The following LRP12 variants were observed in gnomAD, a reference collection of about 807,000 sequenced individuals.
The protein encoded by LRP12 is low-density lipoprotein receptor-related protein 12.
In LRP12, 14 loss-of-function variants were observed where a neutral mutation model predicts 66.0. The observed-to-expected ratio is 0.21, with a 90% CI of 0.14 to 0.33. LRP12 has a LOEUF of 0.33. Among genes scored for constraint, LRP12 ranks in the 10% least tolerant of loss-of-function variants. The pLI is 1.00. For synonymous variants in LRP12, 357 were observed against 359.1 expected (o/e 0.99, Z 0.07); for missense variants, 889 against 1,053.4 (o/e 0.84, Z 2.16).
rs539012973 is a variant in LRP12 at position 104,494,547 on chromosome 8, C to T, written c.1713+530G>A. On this transcript the variant is annotated intron_variant, in intron 6 of 6. Transcript: ENST00000276654. Reference sequence around the variant, plus strand: ...AACACTGGCACATTTTTAAGCACTACGAGAAAAATTTTTTTAATTGCTAAG... The same window carrying T: ...AACACTGGCACATTTTTAAGCACTATGAGAAAAATTTTTTTAATTGCTAAG... Among the ~76,000 whole-genome samples, 34 of 152,032 alleles carry T rather than the reference C, an allele frequency of 2.2e-4. 1 individual carries two copies. In the South Asian group the frequency reaches 5.6e-3, roughly 25 times the overall value.
chr8:104,511,602 TA>T (rs1435466729), intron 2 of LRP12, among the ~76,000 whole-genome samples: 1 of 152,220 alleles, frequency 6.6e-6, no homozygotes, highest in African/African-American at 2.4e-5. Flanking sequence ...GTATATTATG[TA>T]ATTTAAAGAA....
intron 1 of LRP12, among the ~76,000 whole-genome samples, chr8:104,582,008 GTAAAAAGATGCCTTAACTATTAATGA>G (rs1812257084): frequency 6.6e-6 from 1 of 152,080 alleles, no homozygotes; most frequent in Non-Finnish European, 1.5e-5. Flanking sequence ...TCCAATATAT[GTAAAAAGATGCCTTAACTATTAATGA>G]AATTAAGTCA....
Position 104,497,306 on chromosome 8 carries a change from C to T in LRP12, c.1246G>A (p.Glu416Lys), listed in dbSNP as rs1227786958. ...DETNCTMCQK[E>K]EFPCSRNGVC... ...CCATTTCGGGAACATGGAAATTCTT[C>T]CTTCTGGCACATGGTACAATTGGTT... Residue 416 changes from glutamate to lysine, a missense_variant, in exon 5 of 7, where the codon GAA becomes AAA. This residue lies in a region of LRP12 where 800 missense variants were observed against 964.5 expected (regional missense o/e 0.83). Coordinates refer to ENST00000276654, the MANE Select transcript of LRP12 (RefSeq NM_013437.5). The surrounding 1 kb of genome is among the most constrained non-coding windows in gnomAD (Gnocchi z 4.3). 6.2e-7 allele frequency: 1 copy of T among 1,614,050 alleles called. No homozygotes were observed. The highest frequency in any genetic ancestry group is 8.5e-7 in the Non-Finnish European group (1 of 1,180,024).
chr8:104,567,937 A>C (rs1034545063), intron 1 of LRP12, among the ~76,000 whole-genome samples: 1 of 152,234 alleles, frequency 6.6e-6, no homozygotes, highest in Non-Finnish European at 1.5e-5. Flanking sequence ...CCTAAAATTC[A>C]TATGAAAATT....
chr8:104,540,205 C>T (rs1379205552), intron 1 of LRP12, among the ~76,000 whole-genome samples: 7 of 152,002 alleles, frequency 4.6e-5, no homozygotes, highest in Non-Finnish European at 1.0e-4. Context: ...GAGAAGAGGC[C>T]ATGTGAGGAC....
rs1811152818 is a variant in LRP12, at chr8:104,521,620, T to A, written c.136+10287A>T. The stretch of plus-strand genomic sequence containing the variant: ...TCCTATAGTAATGTTTTTATATATA[T>A]ATATATCAAGAATTTACTCTGTCTC... On this transcript the variant is annotated intron_variant, in intron 2 of 6. Transcript: ENST00000276654. Among the ~76,000 whole-genome samples the A allele has an allele frequency of 2.0e-5, 3 of 151,612 alleles. No individual in the cohort carries two copies. The South Asian group carries it at 6.2e-4, about 31-fold the overall frequency.
chr8:104,490,816 T>C lies in LRP12; in HGVS notation c.2437A>G (p.Thr813Ala). ...GQGLRQPYNA[T>A]NPGVRPSNRD... ...TTACTTGGCCTTACTCCAGGATTTG[T>C]TGCATTATATGGTTGTCTAAGCCCT... The change falls in exon 7 of 7, where the codon ACA (threonine) becomes GCA (alanine). Residue 813 changes from threonine to alanine, a missense_variant. By Grantham distance (58) the Thr-to-Ala change is moderately conservative. Around this residue, in one of 3 missense-constraint regions of LRP12, gnomAD observed 800 missense variants for 964.5 expected, o/e 0.83. Coordinates refer to ENST00000276654, the MANE Select transcript of LRP12 (RefSeq NM_013437.5). 1 of 1,614,154 alleles carries C rather than the reference T, an allele frequency of 6.2e-7. No individual in the cohort carries two copies. Among genetic ancestry groups the C allele is most frequent in the East Asian group, 2.2e-5 (1 of 44,868 alleles).
At position 104,490,466 on chromosome 8, in the gene LRP12, G is replaced by A. The variant is rs1425972463; in HGVS notation, c.*207C>T. 1.9e-6 allele frequency: 1 copy of A among 536,652 alleles called. No individual in the cohort carries two copies. Among genetic ancestry groups the A allele is most frequent in the South Asian group, 2.7e-5 (1 of 37,734 alleles). 33.2% of individuals were successfully genotyped at this position (536,652 alleles called of 1,614,324 possible). ...GGACATTATTGAACAATATGAATAT[G>A]TGATGCATTTTTAGCTGCTAAAATA... On this transcript the variant is annotated 3_prime_UTR_variant, in exon 7 of 7. Transcript: ENST00000276654.
Position 104,562,468 on chromosome 8 carries a change from A to G in LRP12, c.79+26351T>C, listed in dbSNP as rs976349659. Among the ~76,000 whole-genome samples, 6 of 152,336 alleles carry G rather than the reference A, an allele frequency of 3.9e-5. No homozygotes were observed. In the East Asian group the frequency reaches 1.2e-3, roughly 29 times the overall value. ...AAAAAGTGATAAGGAAAAGAAGGCC[A>G]TGATATGTCAAATAATACCAACAAA... On this transcript the variant is annotated intron_variant, in intron 1 of 6. Transcript: ENST00000276654.
rs887001067 is a variant in LRP12, at chr8:104,497,932, G to A, written c.620C>T (p.Pro207Leu). 4 of 1,614,010 alleles carry A rather than the reference G, an allele frequency of 2.5e-6. No individual in the cohort carries two copies. The highest frequency in any genetic ancestry group is 3.4e-6 in the Non-Finnish European group (4 of 1,180,032). The change falls in exon 5 of 7, where the codon CCA (proline) becomes CTA (leucine). Residue 207 changes from proline to leucine, a missense_variant. Pro to Leu is a moderately conservative substitution (Grantham distance 98). This residue lies in a region of LRP12 where 800 missense variants were observed against 964.5 expected (regional missense o/e 0.83). Coordinates refer to ENST00000276654, the MANE Select transcript of LRP12 (RefSeq NM_013437.5). This position sits in a 1 kb window ranked among gnomAD's most constrained non-coding sequence, Gnocchi z 4.3. ...ACAGGGTTGAAAAGCAGCAGCAGTTGGAGGATTTGCTTCTTTGGCACAGAT... is the reference window on the plus strand; with the variant it reads ...ACAGGGTTGAAAAGCAGCAGCAGTTAGAGGATTTGCTTCTTTGGCACAGAT... ...EEICAKEANP[P>L]TAAAFQPCAY...
At position 104,499,318 on chromosome 8, in the gene LRP12, T is replaced by C. The variant is rs533673139; in HGVS notation, c.474A>G (p.Ser158=). The C allele has an allele frequency of 3.3e-5, 53 of 1,608,712 alleles. No individual in the cohort carries two copies. Among genetic ancestry groups the C allele is most frequent in the Admixed American group, 5.1e-5 (3 of 58,980 alleles). ...SRKGFRLAYF[S]GKSEEPNCAC... ...TATCTTTCTTATTTAAAAACACACC[T>C]GAAAAATATGCCAGTCTGAAACCCT... Residue 158 remains serine, a splice_region_variant and synonymous_variant, in exon 4 of 7, where the codon TCA becomes TCG. Coordinates refer to ENST00000276654, the MANE Select transcript of LRP12 (RefSeq NM_013437.5).
intron 1 of LRP12, among the ~76,000 whole-genome samples, chr8:104,569,576 A>T (rs1345148593): frequency 6.6e-6 from 1 of 152,166 alleles, no homozygotes; most frequent in African/African-American, 2.4e-5. Context: ...TAGATACAGA[A>T]AAGGGATTTT....
chr8:104,587,608 GTTCA>G (rs1812354385), intron 1 of LRP12, among the ~76,000 whole-genome samples: 1 of 152,142 alleles, frequency 6.6e-6, no homozygotes, highest in Non-Finnish European at 1.5e-5. Flanking sequence ...GCCCAATTAC[GTTCA>G]TTAATTCTTC....
chr8:104,532,770 T>C (rs754731999), intron 1 of LRP12, among the ~76,000 whole-genome samples: 1 of 152,248 alleles, frequency 6.6e-6, no homozygotes, highest in African/African-American at 2.4e-5. Context: ...ACTTCTATAA[T>C]TGCTTGAATA....
rs1200581717 is a variant in LRP12 at position 104,589,075 on chromosome 8, C to T, written c.-178G>A. On this transcript the variant is annotated 5_prime_UTR_variant, in exon 1 of 7. Coordinates refer to ENST00000276654, the MANE Select transcript of LRP12 (RefSeq NM_013437.5). ...GGGGCCGCCGCCGCCCGCGCGCGCT[C>T]CCTCCTCCCTCCTCCCTCCGGCTCG... 1.8e-5 allele frequency: 5 copies of T among 281,886 alleles called. No homozygotes were observed. Among genetic ancestry groups the T allele is most frequent in the African/African-American group, 2.2e-5 (1 of 44,502 alleles). The allele number at this position is 281,886 out of a possible 1,614,324, so 17.5% of individuals were successfully genotyped here. A position where few individuals can be genotyped will look rare whatever the true frequency, so the allele number is the denominator to read the frequency against.
chr8:104,511,703 T>C (rs191968715), intron 2 of LRP12, among the ~76,000 whole-genome samples: 128 of 152,236 alleles, frequency 8.4e-4, no homozygotes, highest in Non-Finnish European at 1.6e-3. Flanking sequence ...GAAGAAAACA[T>C]GCAATCAAAG....
At chr8:104,545,552 A>G (rs1210690324) in intron 1 of LRP12, among the ~76,000 whole-genome samples, 4 of 152,214 alleles carry the variant, frequency 2.6e-5, no homozygotes, top group Admixed American at 6.5e-5. Flanking sequence ...CTACCCTGAC[A>G]GTCAGCAGCC....
intron 3 of LRP12, among the ~76,000 whole-genome samples, chr8:104,499,944 T>G (rs1810798254): frequency 6.6e-6 from 1 of 152,170 alleles, no homozygotes; most frequent in Admixed American, 6.5e-5. Flanking sequence ...TAATACCTGC[T>G]TAATGAAAAG....
chr8:104,548,277 TA>T (rs1279689867), intron 1 of LRP12, among the ~76,000 whole-genome samples: 1 of 90,848 alleles, frequency 1.1e-5, no homozygotes, highest in African/African-American at 5.3e-5. Context: ...ATATATATTA[TA>T]TTAATATATC....
Sources: gnomAD v4.1 joint callset for allele counts (sites outside exome capture counted in the v4.1 genomes callset) on GRCh38, gnomAD v4.1.1 for gene constraint, gnomAD v4.1.1 regional missense constraint, Gnocchi (gnomAD v3.1) non-coding constraint, MANE v1.5 for transcripts, NCBI Gene and HGNC (gene_info 2026-07-23, HGNC 2026-07-21) for gene names.